The following CELF4 variants were observed in gnomAD, a reference collection of about 807,000 sequenced individuals.
CELF4 encodes CUGBP Elav-like family member 4, also known as CUG-BP- and ETR-3-like factor 4.
In CELF4, 18 loss-of-function variants were observed where a neutral mutation model predicts 59.9. The ratio of observed to expected loss-of-function variants is 0.30; its 90% CI spans 0.21 to 0.45. The LOEUF is 0.45. CELF4 is among the 20% of genes least tolerant of loss of function. The pLI is 1.00. For synonymous variants in CELF4, 261 were observed against 267.1 expected (o/e 0.98, Z 0.22); for missense variants, 456 against 689.0 (o/e 0.66, Z 3.79).
chr18:37,534,823 G>A (rs1000619352), intron 1 of CELF4, among the ~76,000 whole-genome samples: 1 of 152,158 alleles, frequency 6.6e-6, no homozygotes, highest in Non-Finnish European at 1.5e-5. Context: ...TTGTCTGGTC[G>A]GTTTCAGCCT....
At chr18:37,271,254 CTTTTT>C (rs34833771) in intron 7 of CELF4, among the ~76,000 whole-genome samples, 3 of 105,536 alleles carry the variant, frequency 2.8e-5, no homozygotes, top group South Asian at 3.1e-4. Flanking sequence ...TCCTTCAGTC[CTTTTT>C]TTTTTTTTTT....
chr18:37,506,307 G>A (rs1035553459), intron 1 of CELF4, among the ~76,000 whole-genome samples: 1 of 152,106 alleles, frequency 6.6e-6, no homozygotes, highest in Non-Finnish European at 1.5e-5. Flanking sequence ...GTATAGGCTT[G>A]TTTGGGGAAA....
chr18:37,546,502 T>C (rs775699536), intron 1 of CELF4, among the ~76,000 whole-genome samples: 3 of 152,218 alleles, frequency 2.0e-5, no homozygotes, highest in African/African-American at 4.8e-5. Flanking sequence ...GACGTGGTCC[T>C]GGTGTGAGAT....
intron 3 of CELF4, among the ~76,000 whole-genome samples, chr18:37,286,209 G>T (rs1449158822): frequency 6.6e-6 from 1 of 152,176 alleles, no homozygotes; most frequent in African/African-American, 2.4e-5. Flanking sequence ...ACAGGGCAAA[G>T]AATCTACTCC....
chr18:37,319,773 A>C (rs2097025181), intron 3 of CELF4, among the ~76,000 whole-genome samples: 1 of 152,218 alleles, frequency 6.6e-6, no homozygotes, highest in African/African-American at 2.4e-5. Context: ...GGCTGATCTA[A>C]AGAGCAGGGA....
At chr18:37,485,872 C>G (rs560900457) in intron 1 of CELF4, 17 of 318,744 alleles carry the variant, frequency 5.3e-5, no homozygotes, top group African/African-American at 3.0e-4. Context: ...CCACACCCCC[C>G]TCTCCTTACG....
At chr18:37,354,775 C>T (rs1054709421) in intron 2 of CELF4, among the ~76,000 whole-genome samples, 1 of 152,160 alleles carries the variant, frequency 6.6e-6, no homozygotes, top group African/African-American at 2.4e-5. Flanking sequence ...TTCTCTCCAG[C>T]CTTCCTGCCC....
At chr18:37,556,935 G>T (rs1252978406) in intron 1 of CELF4, among the ~76,000 whole-genome samples, 2 of 152,152 alleles carry the variant, frequency 1.3e-5, no homozygotes, top group East Asian at 3.9e-4. Flanking sequence ...TAGAGAGTGA[G>T]GCTCCTGTCA....
At chr18:37,250,596 C>T (rs1435508420) in intron 12 of CELF4, among the ~76,000 whole-genome samples, 1 of 152,212 alleles carries the variant, frequency 6.6e-6, no homozygotes, top group Non-Finnish European at 1.5e-5. Flanking sequence ...GGGGCTGCAG[C>T]TCAGGCCTCA....
chr18:37,397,747 G>C lies in CELF4; in HGVS notation c.370-75866C>G, dbSNP rs75623908. ...TGGCTGTACATGAAGCTTGTGAGGTGGGTATGTTGGCTTTTTATCAGAGAA... is the reference window on the plus strand; with the variant it reads ...TGGCTGTACATGAAGCTTGTGAGGTCGGTATGTTGGCTTTTTATCAGAGAA... On this transcript the variant is annotated intron_variant, in intron 2 of 12. Coordinates refer to ENST00000420428, the MANE Select transcript of CELF4 (RefSeq NM_020180.4). 6.4e-3 allele frequency among the ~76,000 whole-genome samples: 968 copies of C among 152,334 alleles called. 6 individuals carry two copies. The highest frequency in any genetic ancestry group is 0.021 in the African/African-American group (880 of 41,570).
At chr18:37,521,887 A>G (rs951100376) in intron 1 of CELF4, among the ~76,000 whole-genome samples, 4 of 152,210 alleles carry the variant, frequency 2.6e-5, no homozygotes, top group Admixed American at 2.0e-4. Flanking sequence ...TAGGCACAGA[A>G]AAATCCAGCT....
intron 2 of CELF4, among the ~76,000 whole-genome samples, chr18:37,452,504 G>T (rs1337336140): frequency 6.6e-6 from 1 of 152,018 alleles, no homozygotes; most frequent in African/African-American, 2.4e-5. Context: ...TCCTGCCTGG[G>T]GTAGGGACAT....
At chr18:37,435,707 G>A (rs2099689308) in intron 2 of CELF4, among the ~76,000 whole-genome samples, 2 of 152,182 alleles carry the variant, frequency 1.3e-5, no homozygotes, top group South Asian at 4.1e-4. Flanking sequence ...CTGGCTCCCA[G>A]GCGACTCTCA....
chr18:37,353,233 A>AAATATATATAT (rs71168258), intron 2 of CELF4, among the ~76,000 whole-genome samples: 69 of 106,954 alleles, frequency 6.5e-4, no homozygotes, highest in Admixed American at 1.1e-3. Flanking sequence ...AAAAAAAAAA[A>AAATATATATAT]ATATATATAT....
intron 2 of CELF4, among the ~76,000 whole-genome samples, chr18:37,454,825 A>G (rs1238780714): frequency 6.6e-6 from 1 of 152,228 alleles, no homozygotes; most frequent in Non-Finnish European, 1.5e-5. Flanking sequence ...CATTGTTTTC[A>G]CTGTACCAGG....
At chr18:37,329,457 A>G (rs1284024253) in intron 2 of CELF4, among the ~76,000 whole-genome samples, 1 of 152,238 alleles carries the variant, frequency 6.6e-6, no homozygotes, top group Non-Finnish European at 1.5e-5. Flanking sequence ...GGAAACTTTC[A>G]AGGGTATTGT....
intron 2 of CELF4, among the ~76,000 whole-genome samples, chr18:37,455,254 T>C (rs1180409931): frequency 6.6e-6 from 1 of 152,220 alleles, no homozygotes; most frequent in Admixed American, 6.5e-5. Context: ...TTCTAAAGGA[T>C]GAACCATACC....
At chr18:37,300,587 C>T (rs2095957338) in intron 3 of CELF4, among the ~76,000 whole-genome samples, 1 of 152,200 alleles carries the variant, frequency 6.6e-6, no homozygotes, top group Admixed American at 6.5e-5. Context: ...CCATTCATTT[C>T]CTGAGCTCCT....
At chr18:37,489,669 T>G (rs1413217351) in intron 1 of CELF4, among the ~76,000 whole-genome samples, 1 of 152,192 alleles carries the variant, frequency 6.6e-6, no homozygotes, top group Non-Finnish European at 1.5e-5. Flanking sequence ...CTCACTCTCC[T>G]ATGTTGTACT....
Sources: allele counts gnomAD v4.1 joint callset (sites outside exome capture counted in the v4.1 genomes callset), GRCh38; gene constraint gnomAD v4.1.1; transcripts MANE v1.5; gene names NCBI Gene and HGNC (gene_info 2026-07-23, HGNC 2026-07-21).